Variants in MAP3K15 observed in about 807,000 individuals in gnomAD.
MAP3K15 encodes the protein MAPK/ERK kinase kinase 15.
MAP3K15 carries 124 observed loss-of-function variants against 99.5 expected under a neutral mutation model. The observed-to-expected ratio is 1.25, with a 90% CI of 1.08 to 1.45. The LOEUF is 1.45. Ranked by LOEUF, MAP3K15 falls within the 40% of genes most tolerant of loss-of-function variation. The pLI is 0.00. For missense variants in MAP3K15, 1,242 were observed against 1,079.7 expected (o/e 1.15, Z -2.11); for synonymous variants, 494 against 439.6 (o/e 1.12, Z -1.55).
intron 1 of MAP3K15, among the ~76,000 whole-genome samples, chrX:19,494,752 A>G (rs1259828305): frequency 9.0e-6 from 1 of 110,664 alleles, no homozygotes; most frequent in Non-Finnish European, 1.9e-5. Flanking sequence ...AGAAATTATG[A>G]AAGTAAGTAA....
intron 6 of MAP3K15, among the ~76,000 whole-genome samples, chrX:19,438,179 G>A (rs758691505): frequency 4.1e-4 from 46 of 111,406 alleles, no homozygotes; most frequent in South Asian, 7.6e-4. Flanking sequence ...GTGTGATCAC[G>A]GCTCACTGTA....
intron 18 of MAP3K15, among the ~76,000 whole-genome samples, chrX:19,383,165 C>T (rs1273990906): frequency 9.0e-6 from 1 of 111,640 alleles, no homozygotes; most frequent in Non-Finnish European, 1.9e-5. Context: ...TCCCATTTGA[C>T]CCCCAAGCCC....
chrX:19,363,122 AAT>A (rs2063306083), intron 25 of MAP3K15, among the ~76,000 whole-genome samples: 1 of 111,908 alleles, frequency 8.9e-6, no homozygotes, highest in African/African-American at 3.2e-5. Flanking sequence ...CAATGGACTC[AAT>A]GTGTGCCCCT....
At chrX:19,487,556 A>G (rs1460065968) in intron 2 of MAP3K15, among the ~76,000 whole-genome samples, 1 of 112,082 alleles carries the variant, frequency 8.9e-6, no homozygotes, top group Non-Finnish European at 1.9e-5. Context: ...TGGGGAAACT[A>G]TTCTACAATG....
chrX:19,393,123 C>T (rs1260065083), intron 16 of MAP3K15, among the ~76,000 whole-genome samples: 1 of 111,452 alleles, frequency 9.0e-6, no homozygotes, highest in South Asian at 3.8e-4. Flanking sequence ...ACTGTGACCA[C>T]GTCTCGAAGG....
At chrX:19,467,508 C>T (rs2064176645) in intron 3 of MAP3K15, among the ~76,000 whole-genome samples, 1 of 111,072 alleles carries the variant, frequency 9.0e-6, no homozygotes, top group Admixed American at 9.7e-5. Flanking sequence ...GTGGCTCACA[C>T]CTGTAATCCC....
At chrX:19,470,285 G>T (rs2064198962) in intron 3 of MAP3K15, among the ~76,000 whole-genome samples, 1 of 110,840 alleles carries the variant, frequency 9.0e-6, no homozygotes, top group South Asian at 3.8e-4. Context: ...ATCATTCTCA[G>T]CAAACTATCA....
intron 4 of MAP3K15, among the ~76,000 whole-genome samples, chrX:19,463,957 G>C (rs2064148169): frequency 9.0e-6 from 1 of 110,819 alleles, no homozygotes; most frequent in East Asian, 2.8e-4. Flanking sequence ...AGAAGAGACA[G>C]AACAATCAGA....
chrX:19,462,026 C>CACACAT (rs1555960648), intron 4 of MAP3K15, among the ~76,000 whole-genome samples: 6 of 97,671 alleles, frequency 6.1e-5, no homozygotes, highest in African/African-American at 2.2e-4. Context: ...CACACACACA[C>CACACAT]ACACACACAC....
chrX:19,395,504 G>A (rs1280594449), intron 15 of MAP3K15, among the ~76,000 whole-genome samples: 1 of 111,031 alleles, frequency 9.0e-6, no homozygotes, highest in Non-Finnish European at 1.9e-5. Flanking sequence ...TATTTTTCGG[G>A]CCTGAACCCA....
At position 19,360,580 on chromosome X, in the gene MAP3K15, G is replaced by A; in HGVS notation, c.*169C>T. On this transcript the variant is annotated 3_prime_UTR_variant, in exon 29 of 29. Coordinates refer to ENST00000338883, the MANE Select transcript of MAP3K15 (RefSeq NM_001001671.4). Reference sequence around the variant, plus strand: ...CACAGTTCTATGTTTATAAATAACAGGTTTCAAAAGAAACTCAGGACAGTA... The same window carrying A: ...CACAGTTCTATGTTTATAAATAACAAGTTTCAAAAGAAACTCAGGACAGTA... The A allele has an allele frequency of 2.4e-6, 1 of 416,989 alleles. No homozygotes were observed. Among genetic ancestry groups the A allele is most frequent in the Non-Finnish European group, 4.1e-6 (1 of 241,248 alleles). The allele number at this position is 416,989 out of a possible 1,213,427, so 34.4% of individuals were successfully genotyped here. A position where few individuals can be genotyped will look rare whatever the true frequency, so the allele number is the denominator to read the frequency against.
At chrX:19,363,140 G>A (rs1055506923) in intron 25 of MAP3K15, among the ~76,000 whole-genome samples, 1 of 111,807 alleles carries the variant, frequency 8.9e-6, no homozygotes, top group African/African-American at 3.2e-5. Flanking sequence ...CCCCTCACCC[G>A]GCCCAAGTTC....
intron 1 of MAP3K15, among the ~76,000 whole-genome samples, chrX:19,492,394 T>C (rs1047687841): frequency 9.0e-6 from 1 of 111,319 alleles, no homozygotes; most frequent in Non-Finnish European, 1.9e-5. Flanking sequence ...ATAGTATCAA[T>C]GTCTCACCTA....
intron 19 of MAP3K15, among the ~76,000 whole-genome samples, chrX:19,379,909 G>A (rs763952476): frequency 1.1e-4 from 12 of 110,553 alleles, no homozygotes; most frequent in East Asian, 2.8e-4. Context: ...GTGTCTGCTC[G>A]GCTCTATGAA....
chrX:19,499,188 T>C (rs1157710686), intron 1 of MAP3K15, among the ~76,000 whole-genome samples: 1 of 111,810 alleles, frequency 8.9e-6, no homozygotes, highest in Non-Finnish European at 1.9e-5. Flanking sequence ...CTCAACATCA[T>C]TAATCATGAG....
intron 9 of MAP3K15, among the ~76,000 whole-genome samples, chrX:19,417,895 G>A (rs1250146109): frequency 8.9e-6 from 1 of 112,070 alleles, no homozygotes; most frequent in Non-Finnish European, 1.9e-5. Context: ...AATATCCGCT[G>A]TTCTGCAGCC....
In MAP3K15 at chrX:19,373,700, A is replaced by G. The variant is rs753053014; in HGVS notation, c.2774-5T>C. On this transcript the variant is annotated splice_region_variant and splice_polypyrimidine_tract_variant and intron_variant, in intron 20 of 28. Coordinates refer to ENST00000338883, the MANE Select transcript of MAP3K15 (RefSeq NM_001001671.4). ...GGACGACACCGCGGGGACCTTCTGT[A>G]GGGGGACAGCCAGACACCGAATGGG... The G allele has an allele frequency of 8.4e-6, 10 of 1,196,620 alleles. No homozygotes were observed. The Middle Eastern group carries it at 1.7e-3, about 204-fold the overall frequency.
At chrX:19,414,281 G>A (rs1487823918) in intron 10 of MAP3K15, 1 of 123,072 alleles carries the variant, frequency 8.1e-6, no homozygotes, top group Non-Finnish European at 1.6e-5. Flanking sequence ...TTACGCGGTT[G>A]TCTGCTCCAT....
chrX:19,491,362 C>G (rs938278914), intron 1 of MAP3K15, among the ~76,000 whole-genome samples: 6 of 111,255 alleles, frequency 5.4e-5, no homozygotes, highest in African/African-American at 2.0e-4. Flanking sequence ...AAACAGTGAA[C>G]AGAGCACCCC....
Sources: allele counts gnomAD v4.1 joint callset (sites outside exome capture counted in the v4.1 genomes callset), GRCh38; gene constraint gnomAD v4.1.1; transcripts MANE v1.5; gene names NCBI Gene and HGNC (gene_info 2026-07-23, HGNC 2026-07-21).